METAP1: variants seen among roughly 807,000 people sequenced by gnomAD.
METAP1 encodes methionine aminopeptidase 1.
In METAP1, 28 loss-of-function variants were observed where a neutral mutation model predicts 53.8. The ratio of observed to expected loss-of-function variants is 0.52; its 90% confidence interval spans 0.39 to 0.71. The LOEUF is 0.71. Among genes scored for constraint, METAP1 ranks in the 30% least tolerant of loss-of-function variants. The probability of loss-of-function intolerance (pLI) is 0.00; values close to 1 mark genes in which losing one functional copy is unlikely to be tolerated. For synonymous variants in METAP1, 181 were observed against 165.7 expected (o/e 1.09, Z -0.71); for missense variants, 389 against 479.8 (o/e 0.81, Z 1.77).
At chr4:99,044,648 A>C (rs1275199797) in intron 7 of METAP1, among the ~76,000 whole-genome samples, 1 of 151,822 alleles carries the variant, frequency 6.6e-6, no homozygotes, top group Non-Finnish European at 1.5e-5. Flanking sequence ...AATAGTATAT[A>C]ATATATAGTA....
At chr4:99,026,427 G>A (rs1724564836) in intron 1 of METAP1, 5 of 985,320 alleles carry the variant, frequency 5.1e-6, no homozygotes, top group Non-Finnish European at 6.0e-6. Context: ...AGAGAAAGTA[G>A]CATTTGAAAC....
chr4:99,036,466 G>C (rs1174538467), intron 4 of METAP1, among the ~76,000 whole-genome samples: 3 of 152,060 alleles, frequency 2.0e-5, no homozygotes, highest in Admixed American at 6.6e-5. Flanking sequence ...GTTATGCAGT[G>C]AAAGTAAGTT....
chr4:99,045,448 G>A (rs1372406468), intron 8 of METAP1, 138 bp downstream of exon 8: 2 of 853,974 alleles, frequency 2.3e-6, no homozygotes, highest in Admixed American at 3.2e-5. Context: ...GTTGTTAGCA[G>A]TAATGGGTAA....
In METAP1 at chr4:99,045,077, T is replaced by C. The variant is rs150635810; in HGVS notation, c.656-102T>C. ...GGTGTCTAATTTGAGAATGCAGAAG[T>C]TGTCTTTTTCATTAAGTTGCTAGAT... On this transcript the variant is annotated intron_variant, in intron 7 of 10. Coordinates refer to ENST00000296411, the MANE Select transcript of METAP1 (RefSeq NM_015143.3). The C allele has an allele frequency of 1.3e-5, 16 of 1,196,956 alleles. No homozygotes were observed. In the East Asian group the frequency reaches 2.6e-4, roughly 19 times the overall value. 74.1% of individuals were successfully genotyped at this position (1,196,956 alleles called of 1,614,324 possible).
chr4:99,017,116 G>T (rs778427527), intron 1 of METAP1, among the ~76,000 whole-genome samples: 1 of 152,214 alleles, frequency 6.6e-6, no homozygotes, highest in Non-Finnish European at 1.5e-5. Flanking sequence ...ACTTTCAAAT[G>T]AAAAGTCATG....
chr4:99,048,210 A>G (rs1726413965), intron 8 of METAP1, among the ~76,000 whole-genome samples: 2 of 152,206 alleles, frequency 1.3e-5, no homozygotes, highest in South Asian at 4.1e-4. Flanking sequence ...CTATGAGTCT[A>G]ACGTTTTTGG....
Position 99,049,001 on chromosome 4 carries a change from C to G in METAP1, c.931+125C>G, listed in dbSNP as rs1221747111. 3.5e-5 allele frequency: 41 copies of G among 1,164,028 alleles called. 1 individual carries two copies. Among genetic ancestry groups the G allele is most frequent in the Non-Finnish European group, 4.9e-6 (4 of 814,836 alleles). 72.1% of individuals were successfully genotyped at this position (1,164,028 alleles called of 1,614,324 possible). On this transcript the variant is annotated intron_variant, in intron 9 of 10. Coordinates refer to ENST00000296411, the MANE Select transcript of METAP1 (RefSeq NM_015143.3). ...ATCTCTTAGCTGTAATAGATAGATT[C>G]CCAAAATGTGTATTTGCTGAAACAC...
chr4:99,026,825 A>G (rs149115600), intron 1 of METAP1: 2 of 985,290 alleles, frequency 2.0e-6, no homozygotes, highest in Non-Finnish European at 2.4e-6. Flanking sequence ...TGGTTGCCTC[A>G]TGGCCCCAGT....
chr4:99,002,155 T>C (rs1560690161), intron 1 of METAP1, among the ~76,000 whole-genome samples: 1 of 152,202 alleles, frequency 6.6e-6, no homozygotes, highest in African/African-American at 2.4e-5. Flanking sequence ...TTTTAGTAAA[T>C]TTCATAGGAG....
In METAP1 at chr4:99,043,251, A is replaced by G; in HGVS notation, c.519A>G (p.Ala173=). 1.3e-6 allele frequency: 2 copies of G among 1,575,878 alleles called. No individual in the cohort carries two copies. The highest frequency in any genetic ancestry group is 2.3e-5 in the East Asian group (1 of 44,344). ...TEEIDHAVHL[A]CIARNCYPSP... ...AAATTATTTTTTCTGTATTATAGGC[A>G]TGTATTGCAAGAAATTGCTACCCTT... Residue 173 remains alanine (A), a splice_region_variant and synonymous_variant, in exon 7 of 11, where the codon GCA becomes GCG. Transcript: ENST00000296411.
intron 1 of METAP1, among the ~76,000 whole-genome samples, chr4:99,015,674 A>T (rs1167816775): frequency 6.6e-6 from 1 of 152,176 alleles, no homozygotes; most frequent in Non-Finnish European, 1.5e-5. Flanking sequence ...TATGGGAGTG[A>T]GAGACTGTTA....
chr4:99,036,090 G>A (rs1725402573), intron 4 of METAP1: 1 of 154,256 alleles, frequency 6.5e-6, no homozygotes, highest in Admixed American at 6.6e-5. Flanking sequence ...TGCAACACAG[G>A]TCAGTGGAAC....
At chr4:99,056,902 G>A (rs539293450) in intron 9 of METAP1, among the ~76,000 whole-genome samples, 29 of 152,098 alleles carry the variant, frequency 1.9e-4, no homozygotes, top group African/African-American at 6.5e-4. Context: ...TTGCTCAATC[G>A]CCCAGGCTGG....
At chr4:99,035,158 A>G (rs924645782) in intron 3 of METAP1, among the ~76,000 whole-genome samples, 1 of 152,144 alleles carries the variant, frequency 6.6e-6, no homozygotes, top group Non-Finnish European at 1.5e-5. Flanking sequence ...GTGTCTTGTT[A>G]TTAGTCTCTG....
At chr4:99,002,407 G>A (rs974186000) in intron 1 of METAP1, among the ~76,000 whole-genome samples, 5 of 152,128 alleles carry the variant, frequency 3.3e-5, no homozygotes, top group African/African-American at 4.8e-5. Flanking sequence ...CCTGAACTTC[G>A]CCTGACCTCA....
intron 9 of METAP1, among the ~76,000 whole-genome samples, chr4:99,054,557 A>G (rs558831659): frequency 4.0e-4 from 61 of 152,250 alleles, no homozygotes; most frequent in African/African-American, 9.9e-4. Flanking sequence ...AGCGCTTTCA[A>G]TTTCCTTCAA....
chr4:99,022,384 A>T (rs1017279247), intron 1 of METAP1: 3 of 860,818 alleles, frequency 3.5e-6, no homozygotes, highest in Non-Finnish European at 3.3e-6. Flanking sequence ...CCTGGCCAGG[A>T]GTGCTTTGTT....
chr4:98,998,463 C>A (rs577429857), intron 1 of METAP1, among the ~76,000 whole-genome samples: 1 of 152,266 alleles, frequency 6.6e-6, no homozygotes, highest in South Asian at 2.1e-4. Flanking sequence ...GTGGAGGTTG[C>A]AGTGAGCCGA....
At chr4:99,033,507 TG>T (rs1319116770) in intron 2 of METAP1, among the ~76,000 whole-genome samples, 1 of 152,182 alleles carries the variant, frequency 6.6e-6, no homozygotes, top group African/African-American at 2.4e-5. Context: ...GTCTTCTGTG[TG>T]AGTAGAATTC....
Sources: gnomAD v4.1 joint callset for allele counts (sites outside exome capture counted in the v4.1 genomes callset) on GRCh38, gnomAD v4.1.1 for gene constraint, MANE v1.5 for transcripts, NCBI Gene and HGNC (gene_info 2026-07-23, HGNC 2026-07-21) for gene names.